Variants in SORCS3 observed in about 807,000 individuals in gnomAD.
The protein encoded by SORCS3 is VPS10 domain-containing receptor SorCS3.
In SORCS3, 57 loss-of-function variants were observed where a neutral mutation model predicts 146.3. The ratio of observed to expected loss-of-function variants is 0.39; its 90% CI spans 0.31 to 0.49. SORCS3 has a LOEUF of 0.49. Ranked by LOEUF, SORCS3 falls within the 20% of genes least tolerant of loss-of-function variation. The pLI is 0.92. For missense variants in SORCS3, 1,341 were observed against 1,575.5 expected (o/e 0.85, Z 2.52); for synonymous variants, 653 against 618.5 (o/e 1.06, Z -0.83).
In SORCS3 at chr10:105,160,113, A is replaced by G. The variant is rs188234491; in HGVS notation, c.1732+1119A>G. Among the ~76,000 whole-genome samples, 118 of 152,224 alleles carry G rather than the reference A, an allele frequency of 7.8e-4. 2 individuals carry two copies. The highest frequency in any genetic ancestry group is 2.7e-3 in the African/African-American group (111 of 41,532). On this transcript the variant is annotated intron_variant, in intron 11 of 26. Transcript: ENST00000369701. ...TCCAACTCAAGGGCTGCGGGACCCT[A>G]TGCCTCTCCTCAAGACCTACAGGAG...
At chr10:104,839,212 G>A (rs537572434) in intron 1 of SORCS3, among the ~76,000 whole-genome samples, 2 of 152,154 alleles carry the variant, frequency 1.3e-5, no homozygotes, top group South Asian at 2.1e-4. Flanking sequence ...AGTTGAGAAG[G>A]CCACTCATGT....
chr10:104,996,237 G>A (rs760822663), intron 4 of SORCS3, among the ~76,000 whole-genome samples: 9 of 152,098 alleles, frequency 5.9e-5, no homozygotes, highest in African/African-American at 1.2e-4. Flanking sequence ...CCAAAAAAAT[G>A]GCTTTTGGAA....
At chr10:105,230,127 G>A (rs2056758343) in intron 20 of SORCS3, among the ~76,000 whole-genome samples, 1 of 152,126 alleles carries the variant, frequency 6.6e-6, no homozygotes, top group Non-Finnish European at 1.5e-5. Context: ...TGTCTGGGAG[G>A]AGTGCTGAGG....
intron 2 of SORCS3, among the ~76,000 whole-genome samples, chr10:104,897,587 AT>A (rs1193661524): frequency 6.6e-6 from 1 of 152,232 alleles, no homozygotes; most frequent in African/African-American, 2.4e-5. Context: ...TAAGATTTTA[AT>A]TTTGTTGGTA....
In SORCS3 at chr10:105,001,997, T is replaced by G. The variant is rs1331968834; in HGVS notation, c.954+24504T>G. Reference sequence around the variant, plus strand: ...TCTTCAGGTCCCACAGTGGGATCTGTTTTAAGTGGTTCTTGAAATTTCCCT... The same window carrying G: ...TCTTCAGGTCCCACAGTGGGATCTGGTTTAAGTGGTTCTTGAAATTTCCCT... On this transcript the variant is annotated intron_variant, in intron 4 of 26. Transcript: ENST00000369701. 2.6e-5 allele frequency among the ~76,000 whole-genome samples: 4 copies of G among 152,206 alleles called. No homozygotes were observed. The East Asian group carries it at 7.7e-4, about 29-fold the overall frequency.
intron 1 of SORCS3, among the ~76,000 whole-genome samples, chr10:104,736,862 T>A (rs577494029): frequency 6.6e-6 from 1 of 152,172 alleles, no homozygotes; most frequent in Non-Finnish European, 1.5e-5. Context: ...ACATGTGCCA[T>A]GCTGGTGTGC....
chr10:105,066,893 T>G (rs1431300889), intron 5 of SORCS3, among the ~76,000 whole-genome samples: 1 of 152,176 alleles, frequency 6.6e-6, no homozygotes, highest in African/African-American at 2.4e-5. Context: ...AAGACGTAAA[T>G]GTACCAGCTT....
At chr10:104,895,360 A>C (rs968308910) in intron 2 of SORCS3, among the ~76,000 whole-genome samples, 2 of 152,176 alleles carry the variant, frequency 1.3e-5, no homozygotes, top group Non-Finnish European at 2.9e-5. Flanking sequence ...CCCATCCCTT[A>C]AAGGTAGTGA....
At chr10:105,150,293 C>A (rs1007882089) in intron 9 of SORCS3, among the ~76,000 whole-genome samples, 2 of 152,094 alleles carry the variant, frequency 1.3e-5, no homozygotes, top group Admixed American at 1.3e-4. Flanking sequence ...TGCTGTACCC[C>A]AGAATTGAAT....
At position 104,985,110 on chromosome 10, in the gene SORCS3, T is replaced by C. The variant is rs568540636; in HGVS notation, c.954+7617T>C. Among the ~76,000 whole-genome samples the C allele has an allele frequency of 5.8e-4, 88 of 152,298 alleles. 3 individuals are homozygous for C. In the South Asian group the frequency reaches 0.017, roughly 30 times the overall value. Reference sequence around the variant, plus strand: ...ATTTTTCTGTAACATGCAATGCTGTTTGACAGTTTTTTACCCACAGTATAA... The same window carrying C: ...ATTTTTCTGTAACATGCAATGCTGTCTGACAGTTTTTTACCCACAGTATAA... On this transcript the variant is annotated intron_variant, in intron 4 of 26. Coordinates refer to ENST00000369701, the MANE Select transcript of SORCS3 (RefSeq NM_014978.3).
chr10:105,117,412 G>A (rs956336885), intron 7 of SORCS3, among the ~76,000 whole-genome samples: 1 of 152,128 alleles, frequency 6.6e-6, no homozygotes, highest in South Asian at 2.1e-4. Flanking sequence ...AACTATTTAA[G>A]TGAAGTAGAA....
chr10:104,693,853 A>G (rs1398661833), intron 1 of SORCS3, among the ~76,000 whole-genome samples: 1 of 152,124 alleles, frequency 6.6e-6, no homozygotes, highest in East Asian at 1.9e-4. Context: ...ATGTGCCAAA[A>G]TGTGCATTCC....
At chr10:105,173,097 T>C (rs1051595044) in intron 13 of SORCS3, among the ~76,000 whole-genome samples, 2 of 152,114 alleles carry the variant, frequency 1.3e-5, no homozygotes, top group Admixed American at 6.6e-5. Flanking sequence ...TATTACAGTA[T>C]GGAAGTCCAA....
chr10:105,174,860 C>T (rs780703451), intron 13 of SORCS3, among the ~76,000 whole-genome samples: 3 of 152,054 alleles, frequency 2.0e-5, no homozygotes, highest in Admixed American at 1.3e-4. Context: ...CCTTGGAGGT[C>T]GTATCTCAAT....
intron 20 of SORCS3, among the ~76,000 whole-genome samples, chr10:105,236,931 AATCT>A (rs757765798): frequency 5.3e-5 from 8 of 152,032 alleles, no homozygotes; most frequent in South Asian, 2.1e-4. Flanking sequence ...TCAAGCAATC[AATCT>A]ATCTATCTAT....
chr10:104,809,048 G>T (rs949407083), intron 1 of SORCS3, among the ~76,000 whole-genome samples: 3 of 152,180 alleles, frequency 2.0e-5, no homozygotes, highest in Non-Finnish European at 4.4e-5. Context: ...ATATAAAATG[G>T]GAAGGATAGT....
At chr10:104,878,019 T>C (rs2018594027) in intron 2 of SORCS3, among the ~76,000 whole-genome samples, 1 of 152,202 alleles carries the variant, frequency 6.6e-6, no homozygotes. Context: ...GACCATCATC[T>C]CAGTGCATAT....
chr10:104,675,070 A>G (rs373607339), intron 1 of SORCS3, among the ~76,000 whole-genome samples: 67 of 152,108 alleles, frequency 4.4e-4, no homozygotes, highest in African/African-American at 1.4e-3. Context: ...TACCGATTCT[A>G]CTCCCTCCAG....
At chr10:105,230,333 G>C (rs957847256) in intron 20 of SORCS3, among the ~76,000 whole-genome samples, 1 of 152,150 alleles carries the variant, frequency 6.6e-6, no homozygotes, top group South Asian at 2.1e-4. Context: ...AGGTTGGGGA[G>C]TGGGAGTGGT....
Sources: allele counts gnomAD v4.1 joint callset (sites outside exome capture counted in the v4.1 genomes callset), GRCh38; gene constraint gnomAD v4.1.1; transcripts MANE v1.5; gene names NCBI Gene and HGNC (gene_info 2026-07-23, HGNC 2026-07-21).